MPP7: variants seen among roughly 807,000 people sequenced by gnomAD.
MPP7 encodes MAGUK p55 scaffold protein 7.
MPP7 carries 60 observed loss-of-function variants against 76.5 expected under a neutral mutation model. The observed-to-expected ratio is 0.78, with a 90% CI of 0.64 to 0.97. The LOEUF (loss-of-function observed/expected upper bound fraction) is 0.97. Ranked by LOEUF, MPP7 falls within the 50% of genes least tolerant of loss-of-function variation. The pLI is 0.00. For synonymous variants in MPP7, 237 were observed against 244.5 expected (o/e 0.97, Z 0.29); for missense variants, 641 against 694.0 (o/e 0.92, Z 0.86).
chr10:28,220,972 A>T (rs1377802029), intron 2 of MPP7, among the ~76,000 whole-genome samples: 1 of 152,156 alleles, frequency 6.6e-6, no homozygotes, highest in East Asian at 1.9e-4. Context: ...GGCTCTTAGC[A>T]GAGTTCAAGG....
chr10:28,118,031 T>C (rs557480373), intron 11 of MPP7: 1 of 924,684 alleles, frequency 1.1e-6, no homozygotes, highest in South Asian at 5.1e-5. Flanking sequence ...AAAACAAAAT[T>C]AGTCAAATGA....
intron 2 of MPP7, among the ~76,000 whole-genome samples, chr10:28,235,932 G>A (rs888434028): frequency 2.0e-5 from 3 of 152,074 alleles, no homozygotes; most frequent in Non-Finnish European, 4.4e-5. Flanking sequence ...AGAAAATGAC[G>A]AACCAGTACA....
intron 1 of MPP7, among the ~76,000 whole-genome samples, chr10:28,333,127 C>T (rs1033333088): frequency 3.9e-5 from 6 of 152,052 alleles, no homozygotes; most frequent in Non-Finnish European, 8.8e-5. Context: ...TTCTGGAATA[C>T]ACTATTCTAA....
chr10:28,164,832 A>C (rs1372735773), intron 3 of MPP7, among the ~76,000 whole-genome samples: 2 of 152,196 alleles, frequency 1.3e-5, no homozygotes, highest in African/African-American at 4.8e-5. Context: ...GGGATGAAGA[A>C]TAAGAAATTA....
In MPP7 at chr10:28,091,530, C is replaced by T. The variant is rs573517080; in HGVS notation, c.953-1689G>A. Among the ~76,000 whole-genome samples the T allele has an allele frequency of 7.9e-5, 12 of 152,248 alleles. No homozygotes were observed. The South Asian group carries it at 2.1e-3, about 26-fold the overall frequency. ...CTCAAACTTCTGACCTCAGGTAATCCGCCCTTCTCAGCCTCCCAAAGTGCT... is the reference window on the plus strand; with the variant it reads ...CTCAAACTTCTGACCTCAGGTAATCTGCCCTTCTCAGCCTCCCAAAGTGCT... On this transcript the variant is annotated intron_variant, in intron 11 of 16. Coordinates refer to ENST00000683449, the MANE Select transcript of MPP7 (RefSeq NM_001318170.2).
chr10:28,312,364 A>C (rs1249419), intron 2 of MPP7, among the ~76,000 whole-genome samples: 2 of 152,010 alleles, frequency 1.3e-5, no homozygotes, highest in Non-Finnish European at 2.9e-5. Flanking sequence ...TGATTCGTGC[A>C]TTTTACAATC....
At chr10:28,075,406 G>C (rs908042271) in intron 12 of MPP7, among the ~76,000 whole-genome samples, 2 of 151,980 alleles carry the variant, frequency 1.3e-5, no homozygotes, top group African/African-American at 4.8e-5. Context: ...CCACCATCCT[G>C]GTTTATGGCC....
At chr10:28,147,893 C>T (rs536465107) in intron 4 of MPP7, among the ~76,000 whole-genome samples, 1 of 152,274 alleles carries the variant, frequency 6.6e-6, no homozygotes, top group South Asian at 2.1e-4. Flanking sequence ...GTAAGAAGAA[C>T]TGGATAAAGC....
In MPP7 at chr10:28,287,935, A is replaced by G. The variant is rs565893168; in HGVS notation, c.-132+14926T>C. Reference sequence around the variant, plus strand: ...TAAGCTTTAAGAAATGGCCACTTGCAGAGTTTGATGTAGCATCAAAGGGAA... The same window carrying G: ...TAAGCTTTAAGAAATGGCCACTTGCGGAGTTTGATGTAGCATCAAAGGGAA... On this transcript the variant is annotated intron_variant, in intron 1 of 16. Coordinates refer to ENST00000683449, the MANE Select transcript of MPP7 (RefSeq NM_001318170.2). Among the ~76,000 whole-genome samples, 8 of 152,294 alleles carry G rather than the reference A, an allele frequency of 5.3e-5. No homozygotes were observed. The East Asian group carries it at 1.6e-3, about 30-fold the overall frequency.
At chr10:28,141,698 G>A (rs1248607835) in intron 5 of MPP7, among the ~76,000 whole-genome samples, 1 of 151,944 alleles carries the variant, frequency 6.6e-6, no homozygotes, top group African/African-American at 2.4e-5. Flanking sequence ...GGTTATATAA[G>A]GAACAATTTG....
At chr10:28,063,443 C>T (rs1851872047) in intron 13 of MPP7, among the ~76,000 whole-genome samples, 1 of 148,146 alleles carries the variant, frequency 6.8e-6, no homozygotes, top group Non-Finnish European at 1.5e-5. Context: ...GCCTGTGTGA[C>T]AGACCAAGAC....
At chr10:28,072,240 C>A (rs1462392668) in intron 12 of MPP7, among the ~76,000 whole-genome samples, 1 of 152,150 alleles carries the variant, frequency 6.6e-6, no homozygotes, top group African/African-American at 2.4e-5. Context: ...CACCACTGCA[C>A]TCCAGCTTGG....
chr10:28,140,360 A>G (rs1835475838), intron 5 of MPP7, among the ~76,000 whole-genome samples: 1 of 152,084 alleles, frequency 6.6e-6, no homozygotes, highest in Non-Finnish European at 1.5e-5. Context: ...AAAAACACAA[A>G]AATTAGCCAG....
chr10:28,324,978 G>C (rs904195289), intron 2 of MPP7, among the ~76,000 whole-genome samples: 4 of 151,992 alleles, frequency 2.6e-5, no homozygotes, highest in Non-Finnish European at 5.9e-5. Flanking sequence ...CTGCAGCCTT[G>C]ACCTCCCAGA....
chr10:28,185,566 T>C (rs1015749796), intron 3 of MPP7, among the ~76,000 whole-genome samples: 3 of 152,198 alleles, frequency 2.0e-5, no homozygotes, highest in Non-Finnish European at 4.4e-5. Flanking sequence ...TGGAAGTCGT[T>C]GTCCTCTCTC....
Position 28,156,969 on chromosome 10 carries a change from G to C in MPP7, c.157-6910C>G, listed in dbSNP as rs1490552747. 2.0e-5 allele frequency among the ~76,000 whole-genome samples: 3 copies of C among 152,116 alleles called. No homozygotes were observed. The East Asian group carries it at 5.8e-4, about 29-fold the overall frequency. On this transcript the variant is annotated intron_variant, in intron 3 of 16. Transcript: ENST00000683449. ...TCACACCTGTAATCCCAGCACTTTG[G>C]GAGGCCGAGGCAAGAGGATCACCTG...
chr10:28,269,440 A>G (rs995504807), intron 1 of MPP7, among the ~76,000 whole-genome samples: 1 of 152,152 alleles, frequency 6.6e-6, no homozygotes, highest in African/African-American at 2.4e-5. Flanking sequence ...CCAATCCATC[A>G]TCATTCTAAA....
intron 1 of MPP7, among the ~76,000 whole-genome samples, chr10:28,289,938 C>A (rs575750147): frequency 4.0e-4 from 61 of 152,324 alleles, no homozygotes; most frequent in African/African-American, 1.3e-3. Flanking sequence ...CCCATCTTAG[C>A]CACCCAAGTA....
chr10:28,251,158 C>T (rs562353961), intron 1 of MPP7, among the ~76,000 whole-genome samples: 2 of 152,182 alleles, frequency 1.3e-5, no homozygotes, highest in Non-Finnish European at 1.5e-5. Flanking sequence ...TAAGAAAGAA[C>T]CATATAAGAA....
Sources: allele counts gnomAD v4.1 joint callset (sites outside exome capture counted in the v4.1 genomes callset), GRCh38; gene constraint gnomAD v4.1.1; transcripts MANE v1.5; gene names NCBI Gene and HGNC (gene_info 2026-07-23, HGNC 2026-07-21).